TAFA2: variants seen among roughly 807,000 people sequenced by gnomAD.
TAFA2 encodes chemokine-like protein TAFA-2.
A neutral mutation model predicts 18.8 loss-of-function variants in TAFA2; 7 were observed. The ratio of observed to expected loss-of-function variants is 0.37; its 90% confidence interval spans 0.21 to 0.70. TAFA2 has a LOEUF of 0.70. Ranked by LOEUF, TAFA2 falls within the 30% of genes least tolerant of loss-of-function variation. The pLI is 0.53. For missense variants in TAFA2, 122 were observed against 158.1 expected (o/e 0.77, Z 1.23); for synonymous variants, 60 against 54.2 (o/e 1.11, Z -0.47).
intron 1 of TAFA2, among the ~76,000 whole-genome samples, chr12:61,961,313 G>A (rs1878877233): frequency 1.3e-5 from 2 of 152,046 alleles, no homozygotes; most frequent in South Asian, 2.1e-4. Flanking sequence ...GATTTGGGAA[G>A]GGACACAAAC....
At chr12:62,046,582 T>C (rs1881915588) in intron 1 of TAFA2, among the ~76,000 whole-genome samples, 1 of 152,104 alleles carries the variant, frequency 6.6e-6, no homozygotes, top group South Asian at 2.1e-4. Context: ...AAATCTAATA[T>C]AAAACCATAC....
intron 1 of TAFA2, among the ~76,000 whole-genome samples, chr12:61,883,610 T>C (rs977815479): frequency 6.6e-6 from 1 of 152,140 alleles, no homozygotes; most frequent in Non-Finnish European, 1.5e-5. Context: ...GAATGATGTA[T>C]GAATATTGAA....
intron 1 of TAFA2, among the ~76,000 whole-genome samples, chr12:61,875,289 C>T (rs186552306): frequency 6.6e-6 from 1 of 152,056 alleles, no homozygotes; most frequent in African/African-American, 2.4e-5. Flanking sequence ...TATCTCTTTC[C>T]ACTTCAGTCT....
chr12:61,732,754 T>C (rs1029766077), intron 4 of TAFA2, among the ~76,000 whole-genome samples: 26 of 151,400 alleles, frequency 1.7e-4, no homozygotes, highest in East Asian at 1.6e-3. Context: ...TGTGTGTGTG[T>C]GCGTGCGTGC....
chr12:61,875,754 G>GA (rs936174066), intron 1 of TAFA2, among the ~76,000 whole-genome samples: 2 of 151,992 alleles, frequency 1.3e-5, no homozygotes, highest in African/African-American at 4.8e-5. Flanking sequence ...GTAACAATTA[G>GA]AAAAAATTGG....
At chr12:62,103,594 A>G (rs954398693) in intron 1 of TAFA2, among the ~76,000 whole-genome samples, 3 of 152,174 alleles carry the variant, frequency 2.0e-5, no homozygotes, top group African/African-American at 7.2e-5. Context: ...ATATAAAATT[A>G]ACCAGGTGTG....
intron 4 of TAFA2, among the ~76,000 whole-genome samples, chr12:61,735,743 C>T (rs1375842919): frequency 6.6e-6 from 1 of 151,740 alleles, no homozygotes; most frequent in Admixed American, 6.6e-5. Context: ...TGTCTTAGTG[C>T]AGCAGTTCTG....
intron 1 of TAFA2, among the ~76,000 whole-genome samples, chr12:61,922,340 G>C (rs199991224): frequency 6.6e-6 from 1 of 151,546 alleles, no homozygotes; most frequent in South Asian, 2.1e-4. Context: ...GCTCCGGTCT[G>C]CAGCTCCCAG....
intron 1 of TAFA2, among the ~76,000 whole-genome samples, chr12:62,132,805 G>C (rs193222497): frequency 1.3e-4 from 19 of 151,856 alleles, no homozygotes; most frequent in African/African-American, 2.9e-4. Context: ...GAAAAGTTCT[G>C]AACAAAGTAT....
chr12:61,785,843 G>C (rs998530511), intron 2 of TAFA2, among the ~76,000 whole-genome samples: 1 of 151,552 alleles, frequency 6.6e-6, no homozygotes, highest in Non-Finnish European at 1.5e-5. Context: ...ATTCATGACT[G>C]TAATTACCAA....
chr12:61,854,465 G>C (rs760199412), intron 2 of TAFA2, among the ~76,000 whole-genome samples: 3 of 151,932 alleles, frequency 2.0e-5, no homozygotes, highest in Non-Finnish European at 4.4e-5. Context: ...CACAACTGGA[G>C]GATATGAATT....
chr12:62,160,810 T>G (rs1470899148), intron 1 of TAFA2, among the ~76,000 whole-genome samples: 2 of 152,032 alleles, frequency 1.3e-5, no homozygotes, highest in Non-Finnish European at 2.9e-5. Context: ...TCTAAGTGAG[T>G]GTAGGTGGGT....
chr12:61,871,146 A>G (rs180914931), intron 1 of TAFA2, among the ~76,000 whole-genome samples: 1 of 152,342 alleles, frequency 6.6e-6, no homozygotes, highest in East Asian at 1.9e-4. Context: ...CAAACTGAGA[A>G]GGAAAAGAGA....
chr12:61,826,672 T>C (rs1050557290), intron 2 of TAFA2, among the ~76,000 whole-genome samples: 3 of 152,014 alleles, frequency 2.0e-5, no homozygotes, highest in Admixed American at 1.3e-4. Flanking sequence ...ATGCAAAGTG[T>C]AATCCTCAGA....
At chr12:62,037,475 T>C (rs1881640526) in intron 1 of TAFA2, among the ~76,000 whole-genome samples, 1 of 152,234 alleles carries the variant, frequency 6.6e-6, no homozygotes. Flanking sequence ...AATCATACAA[T>C]TCTTAATCCA....
intron 2 of TAFA2, among the ~76,000 whole-genome samples, chr12:61,755,259 G>T (rs923019826): frequency 1.3e-5 from 2 of 152,102 alleles, no homozygotes; most frequent in Non-Finnish European, 2.9e-5. Context: ...GACTAGATTA[G>T]AATAAGCTGT....
chr12:62,155,407 C>T lies in TAFA2; in HGVS notation c.-2+35852G>A, dbSNP rs185952210. On this transcript the variant is annotated intron_variant, in intron 1 of 4. Transcript: ENST00000416284. The stretch of plus-strand genomic sequence containing the variant: ...TCTACAAATTCAATGCAATCCCCAT[C>T]AAAACACCATCATTCTTCACAGAAT... 8.4e-4 allele frequency among the ~76,000 whole-genome samples: 127 copies of T among 152,080 alleles called. No individual in the cohort carries two copies. In the Middle Eastern group the frequency reaches 0.014, roughly 16 times the overall value.
chr12:62,019,836 AT>A (rs1881069118), intron 1 of TAFA2, among the ~76,000 whole-genome samples: 1 of 152,270 alleles, frequency 6.6e-6, no homozygotes, highest in African/African-American at 2.4e-5. Context: ...ATTTAAAAAA[AT>A]AGAATAAAAT....
At chr12:62,207,929 A>C (rs904010288) in intron 1 of TAFA2, among the ~76,000 whole-genome samples, 9 of 152,158 alleles carry the variant, frequency 5.9e-5, no homozygotes, top group Non-Finnish European at 4.4e-5. Context: ...CACTGGGCTT[A>C]ATCCTCCTTC....
Sources: allele counts gnomAD v4.1 joint callset (sites outside exome capture counted in the v4.1 genomes callset), GRCh38; gene constraint gnomAD v4.1.1; transcripts MANE v1.5; gene names NCBI Gene and HGNC (gene_info 2026-07-23, HGNC 2026-07-21).